Variants in CPSF2 observed in about 807,000 individuals in gnomAD.
The protein encoded by CPSF2 is cleavage and polyadenylation specific factor 2, also known as cleavage and polyadenylation specificity factor subunit 2.
In CPSF2, 51 loss-of-function variants were observed where a neutral mutation model predicts 84.2. The ratio of observed to expected loss-of-function variants is 0.61; its 90% CI spans 0.48 to 0.77. CPSF2 has a LOEUF of 0.77. CPSF2 is among the 30% of genes least tolerant of loss of function. The pLI, the probability that CPSF2 is intolerant of heterozygous loss-of-function variation, is 0.00. For missense variants in CPSF2, 641 were observed against 929.4 expected, an observed-to-expected ratio of 0.69 and a Z score of 4.03; for synonymous variants, 286 against 311.9, an observed-to-expected ratio of 0.92 and a Z score of 0.87.
In CPSF2 at chr14:92,131,393, A is replaced by G. The variant is rs1274454528; in HGVS notation, c.149+260A>G. Among the ~76,000 whole-genome samples the G allele has an allele frequency of 2.0e-5, 3 of 152,260 alleles. No individual in the cohort carries two copies. In the East Asian group the frequency reaches 5.8e-4, roughly 29 times the overall value. On this transcript the variant is annotated intron_variant, in intron 3 of 15. Coordinates refer to ENST00000298875, the MANE Select transcript of CPSF2 (RefSeq NM_017437.3). ...CTTTTGCATGCTAATTTTTGGAAAGAACAAGAATACATAAGAATTTGAGAA... is the reference window on the plus strand; with the variant it reads ...CTTTTGCATGCTAATTTTTGGAAAGGACAAGAATACATAAGAATTTGAGAA...
chr14:92,131,107 T>C lies in CPSF2; in HGVS notation c.123T>C (p.Ser41=). ...ACTGTGGCTGGGATGAGCACTTTTC[T>C]ATGGATATTATTGATTCCCTGAGGA... ...LLDCGWDEHF[S]MDIIDSLRKH... Residue 41 remains serine (S), a synonymous_variant, in exon 3 of 16, where the codon TCT becomes TCC. Coordinates refer to ENST00000298875, the MANE Select transcript of CPSF2 (RefSeq NM_017437.3). 4 of 1,606,526 alleles carry C rather than the reference T, an allele frequency of 2.5e-6. No individual in the cohort carries two copies. In the African/African-American group the frequency reaches 4.0e-5, roughly 16 times the overall value.
intron 2 of CPSF2, among the ~76,000 whole-genome samples, chr14:92,130,318 T>A (rs2068900744): frequency 6.6e-6 from 1 of 152,062 alleles, no homozygotes; most frequent in Admixed American, 6.6e-5. Context: ...GTCCATAGGT[T>A]TTTATCAGAT....
chr14:92,140,231 C>T (rs199585681), intron 7 of CPSF2, among the ~76,000 whole-genome samples: 16 of 151,568 alleles, frequency 1.1e-4, no homozygotes, highest in Admixed American at 2.0e-4. Flanking sequence ...GGATTACAGG[C>T]GTGAGCCACC....
intron 7 of CPSF2, among the ~76,000 whole-genome samples, chr14:92,139,662 CCAAGTAGCTG>C (rs2069048970): frequency 6.6e-6 from 1 of 151,260 alleles, no homozygotes; most frequent in Non-Finnish European, 1.5e-5. Context: ...CCTCAGCCTC[CCAAGTAGCTG>C]GGATTACAGG....
At chr14:92,140,434 C>CT (rs35320936) in intron 7 of CPSF2, among the ~76,000 whole-genome samples, 35,502 of 123,302 alleles carry the variant, frequency 0.29, 5,604 homozygotes, top group East Asian at 0.69. Flanking sequence ...ACCCCCATCT[C>CT]TTTTTTTTTT....
chr14:92,166,785 A>G lies in CPSF2; in HGVS notation c.*5041A>G, dbSNP rs1487023707. ...TTTTCTGCCACCCCTGTTTAAAATC[A>G]GTTGCCCATGAGTGTATGGGTTTGT... On this transcript the variant is annotated 3_prime_UTR_variant, in exon 16 of 16. Coordinates refer to ENST00000298875, the MANE Select transcript of CPSF2 (RefSeq NM_017437.3). 6.6e-6 allele frequency: 1 copy of G among 152,156 alleles called. No homozygotes were observed. Among genetic ancestry groups the G allele is most frequent in the Non-Finnish European group, 1.5e-5 (1 of 68,038 alleles). The allele number at this position is 152,156 out of a possible 1,614,324, so 9.4% of individuals were successfully genotyped here. A position where few individuals can be genotyped will look rare whatever the true frequency, so the allele number is the denominator to read the frequency against.
intron 7 of CPSF2, among the ~76,000 whole-genome samples, chr14:92,140,102 C>T (rs1321816271): frequency 2.0e-5 from 3 of 150,398 alleles, no homozygotes; most frequent in Non-Finnish European, 3.0e-5. Flanking sequence ...TACAGGTGTG[C>T]GCCACTACGC....
chr14:92,135,690 T>G (rs1307165349), intron 6 of CPSF2, among the ~76,000 whole-genome samples, 194 bp downstream of exon 6: 2 of 152,206 alleles, frequency 1.3e-5, no homozygotes, highest in South Asian at 2.1e-4. Flanking sequence ...CATAAGAGAT[T>G]TTAAAAATTT....
In CPSF2 at chr14:92,166,338, TATTATC is replaced by T. The variant is rs1367725567; in HGVS notation, c.*4600_*4605del. 3 of 152,142 alleles carry T rather than the reference TATTATC, an allele frequency of 2.0e-5. No homozygotes were observed. The highest frequency in any genetic ancestry group is 4.4e-5 in the Non-Finnish European group (3 of 68,032). The allele number at this position is 152,142 out of a possible 1,614,324, so 9.4% of individuals were successfully genotyped here. ...ATTAGGTCTTTCATTTATTTTGAATTATTATCATTATTATTATTTTCTTTTTGAGGC... is the reference window on the plus strand; with the variant it reads ...ATTAGGTCTTTCATTTATTTTGAATTATTATTATTATTTTCTTTTTGAGGC... On this transcript the variant is annotated 3_prime_UTR_variant, in exon 16 of 16. Coordinates refer to ENST00000298875, the MANE Select transcript of CPSF2 (RefSeq NM_017437.3).
chr14:92,141,627 C>T (rs1162387628), intron 7 of CPSF2, among the ~76,000 whole-genome samples: 1 of 152,108 alleles, frequency 6.6e-6, no homozygotes, highest in African/African-American at 2.4e-5. Flanking sequence ...TGCGCCTGGC[C>T]ACCATTTTAT....
intron 9 of CPSF2, 110 bp downstream of exon 9, chr14:92,143,404 A>G (rs1387630908): frequency 2.5e-6 from 2 of 812,274 alleles, no homozygotes; most frequent in Non-Finnish European, 3.8e-6. Flanking sequence ...TAGGATTTTT[A>G]TCAGAATTAC....
In CPSF2 at chr14:92,166,026, A is replaced by C. The variant is rs1176731221; in HGVS notation, c.*4282A>C. The C allele has an allele frequency of 6.6e-6, 1 of 151,138 alleles. No homozygotes were observed. Among genetic ancestry groups the C allele is most frequent in the Non-Finnish European group, 1.5e-5 (1 of 67,816 alleles). 9.4% of individuals were successfully genotyped at this position (151,138 alleles called of 1,614,324 possible). On this transcript the variant is annotated 3_prime_UTR_variant, in exon 16 of 16. Coordinates refer to ENST00000298875, the MANE Select transcript of CPSF2 (RefSeq NM_017437.3). ...CAGGCACCCACCACCATGCCTGGCT[A>C]AATTTTTGTATTTTTAGTAAAGACA...
At chr14:92,148,812 TAG>T (rs1016036830) in intron 9 of CPSF2, among the ~76,000 whole-genome samples, 3 of 150,306 alleles carry the variant, frequency 2.0e-5, no homozygotes, top group Non-Finnish European at 1.5e-5. Flanking sequence ...TATATATATG[TAG>T]AGAGAGAGAG....
intron 5 of CPSF2, among the ~76,000 whole-genome samples, chr14:92,134,761 G>A (rs143585447): frequency 4.6e-5 from 7 of 152,250 alleles, no homozygotes; most frequent in South Asian, 2.1e-4. Context: ...AGCATTGGAC[G>A]TTAAAAAGTT....
intron 5 of CPSF2, 33 bp from the exon 6 acceptor site, chr14:92,135,334 A>G (rs757773190): frequency 2.6e-6 from 4 of 1,567,272 alleles, no homozygotes; most frequent in South Asian, 1.2e-5. Context: ...GGGTTGTAAA[A>G]GAAATCTGAG....
chr14:92,142,093 A>G (rs527530625), intron 7 of CPSF2, 71 bp from the exon 8 acceptor site: 1 of 1,183,346 alleles, frequency 8.5e-7, no homozygotes, highest in African/African-American at 1.5e-5. Flanking sequence ...AAACAGGGAG[A>G]TAAAATTATC....
chr14:92,153,561 T>A (rs905134587), intron 9 of CPSF2, among the ~76,000 whole-genome samples: 1 of 152,172 alleles, frequency 6.6e-6, no homozygotes, highest in Non-Finnish European at 1.5e-5. Context: ...TTTTCCTGAT[T>A]GGTGATTTTT....
At chr14:92,159,953 G>GTT (rs35509016) in intron 14 of CPSF2, among the ~76,000 whole-genome samples, 48 of 148,172 alleles carry the variant, frequency 3.2e-4, no homozygotes, top group South Asian at 1.5e-3. Context: ...AAGTCATACT[G>GTT]TTTTTTTTTT....
chr14:92,133,935 G>T, intron 3 of CPSF2, 76 bp from the exon 4 acceptor site: 2 of 1,466,316 alleles, frequency 1.4e-6, no homozygotes, highest in Non-Finnish European at 1.9e-6. Context: ...ATCCAGAATT[G>T]GTGAATAATT....
Sources: allele counts gnomAD v4.1 joint callset (sites outside exome capture counted in the v4.1 genomes callset), GRCh38; gene constraint gnomAD v4.1.1; transcripts MANE v1.5; gene names NCBI Gene and HGNC (gene_info 2026-07-23, HGNC 2026-07-21).